HCN4: variants seen among roughly 807,000 people sequenced by gnomAD.
HCN4 encodes potassium/sodium hyperpolarization-activated cyclic nucleotide-gated channel 4.
In HCN4, 29 loss-of-function variants were observed where a neutral mutation model predicts 76.9. That is an observed-to-expected ratio of 0.38 (90% CI 0.28 to 0.51). The LOEUF is 0.51. HCN4 is among the 20% of genes least tolerant of loss of function. HCN4 has a pLI of 0.90. For synonymous variants in HCN4, 772 were observed against 762.5 expected (o/e 1.01, Z -0.21); for missense variants, 1,416 against 1,715.2 (o/e 0.83, Z 3.08).
chr15:73,322,515 T>C lies in HCN4; in HGVS notation c.3578A>G (p.Glu1193Gly), dbSNP rs1270839065. Residue 1193 changes from glutamate to glycine, a missense_variant, in exon 8 of 8, where the codon GAG becomes GGG. Physicochemically the swap from Glu to Gly is moderately conservative, Grantham distance 98 (BLOSUM62 -2). This residue lies in a region of HCN4 where 633 missense variants were observed against 579.8 expected (regional missense o/e 1.09). Transcript: ENST00000261917. ...GPQREPGARP[E>G]PVRSKLPSNL ...GGATGGCAGTTTGGAGCGCACTGGC[T>C]CAGGCCTGGCCCCAGGTTCCCTCTG... 1 of 1,602,360 alleles carries C rather than the reference T, an allele frequency of 6.2e-7. No homozygotes were observed.
rs776253703 is a variant in HCN4, at chr15:73,332,218, G to C, written c.1284C>G (p.Leu428=). ...ACTGCAGGCAGCCGTCCCAGTGGCA[G>C]AGCAGGAGCATCATGCCGATGAGGT... The part of the protein sequence containing the change: ...IVNLIGMMLL[L]CHWDGCLQFL... Residue 428 remains leucine, a synonymous_variant, in exon 3 of 8, where the codon CTC becomes CTG. Transcript: ENST00000261917. 6.2e-7 allele frequency: 1 copy of C among 1,614,184 alleles called. No individual in the cohort carries two copies. Among genetic ancestry groups the C allele is most frequent in the Non-Finnish European group, 8.5e-7 (1 of 1,179,972 alleles).
intron 1 of HCN4, among the ~76,000 whole-genome samples, chr15:73,361,987 C>G (rs2043107038): frequency 6.6e-6 from 1 of 152,256 alleles, no homozygotes; most frequent in Non-Finnish European, 1.5e-5. Flanking sequence ...GCGCCTTCTC[C>G]CCAGCCAGGC....
chr15:73,339,309 G>A (rs1305747439), intron 2 of HCN4, among the ~76,000 whole-genome samples: 2 of 152,186 alleles, frequency 1.3e-5, no homozygotes, highest in African/African-American at 2.4e-5. Flanking sequence ...GCCCACCTGC[G>A]CTGACTCACA....
chr15:73,323,009 A>AG lies in HCN4; in HGVS notation c.3083dup (p.Gly1029TrpfsTer165). ...TTCTTGGGGGGCCTGGGCTGTGGCC[A>AG]GGGGGGCTGAGACCTCCTCGGGGAG... On this transcript the variant is annotated frameshift_variant, in exon 8 of 8. Transcript: ENST00000261917. LOFTEE classifies it high-confidence loss of function. The AG allele has an allele frequency of 1.4e-6, 2 of 1,464,226 alleles. No homozygotes were observed. The highest frequency in any genetic ancestry group is 2.4e-5 in the East Asian group (1 of 41,816). 90.7% of individuals were successfully genotyped at this position (1,464,226 alleles called of 1,614,324 possible). A position where few individuals can be genotyped will look rare whatever the true frequency, so the allele number is the denominator to read the frequency against.
rs1436490686 is a variant in HCN4 at position 73,322,619 on chromosome 15, TGAG to T, written c.3471_3473del (p.Ser1158del). On this transcript the variant is annotated inframe_deletion, in exon 8 of 8. Transcript: ENST00000261917. ...AAGACAGAGGGGGTGGCAAAGAACC[TGAG>T]GATGTCTTCCGAGGCAGAGTGACGT... The T allele has an allele frequency of 6.2e-7, 1 of 1,611,764 alleles. No homozygotes were observed. The highest frequency in any genetic ancestry group is 1.3e-5 in the African/African-American group (1 of 75,022).
rs766537275 is a variant in HCN4, at chr15:73,325,218, A to G, written c.1738-23T>C. ...CTCCTGCCGGACAGGGTGGATTGGGACACGGGAAGGAGGTGGTGAGGGGAG... is the reference window on the plus strand; with the variant it reads ...CTCCTGCCGGACAGGGTGGATTGGGGCACGGGAAGGAGGTGGTGAGGGGAG... On this transcript the variant is annotated intron_variant, in intron 5 of 7. Coordinates refer to ENST00000261917, the MANE Select transcript of HCN4 (RefSeq NM_005477.3). The surrounding 1 kb of genome is among the most constrained non-coding windows in gnomAD (Gnocchi z 7.4). The G allele has an allele frequency of 8.7e-6, 14 of 1,613,980 alleles. No individual in the cohort carries two copies. In the Admixed American group the frequency reaches 2.3e-4, roughly 27 times the overall value.
chr15:73,324,163 T>A lies in HCN4; in HGVS notation c.2069A>T (p.Asn690Ile). Residue 690 changes from asparagine (N) to isoleucine (I), a missense_variant, in exon 7 of 8, where the codon AAT becomes ATT. This residue lies in a region of HCN4 where 241 missense variants were observed against 379.4 expected (regional missense o/e 0.64). Coordinates refer to ENST00000261917, the MANE Select transcript of HCN4 (RefSeq NM_005477.3). ...RLYSLSVDNF[N>I]EVLEEYPMMR... ...CATGGGGTACTCCTCCAGCACCTCATTGAAGTTGTCCACGCTCAGCGAGTA... is the reference window on the plus strand; with the variant it reads ...CATGGGGTACTCCTCCAGCACCTCAATGAAGTTGTCCACGCTCAGCGAGTA... The A allele has an allele frequency of 1.2e-6, 2 of 1,613,958 alleles. No individual in the cohort carries two copies. The highest frequency in any genetic ancestry group is 1.7e-6 in the Non-Finnish European group (2 of 1,179,946).
intron 1 of HCN4, among the ~76,000 whole-genome samples, chr15:73,352,141 C>T (rs187573500): frequency 1.6e-4 from 24 of 152,308 alleles, no homozygotes; most frequent in Admixed American, 4.6e-4. Flanking sequence ...TCTCTGAAGT[C>T]GGCGCAGTAC....
At chr15:73,332,363 C>T in intron 2 of HCN4, 71 bp from the exon 3 acceptor site, 2 of 1,495,380 alleles carry the variant, frequency 1.3e-6, no homozygotes, top group Non-Finnish European at 1.9e-6. Flanking sequence ...ACTTTCCCTG[C>T]CCTGGAGCTG....
intron 1 of HCN4, among the ~76,000 whole-genome samples, chr15:73,358,712 C>T (rs2151225595): frequency 6.6e-6 from 1 of 152,272 alleles, no homozygotes; most frequent in East Asian, 1.9e-4. Context: ...TAAGCAGCCC[C>T]CAGCACCTGC....
intron 1 of HCN4, among the ~76,000 whole-genome samples, chr15:73,366,336 G>C (rs540994112): frequency 9.2e-5 from 14 of 152,128 alleles, no homozygotes; most frequent in Non-Finnish European, 1.6e-4. Context: ...AGAGGGCTCT[G>C]GGTTGGCAAA....
intron 1 of HCN4, among the ~76,000 whole-genome samples, chr15:73,353,325 G>C (rs1420133033): frequency 2.0e-5 from 3 of 152,140 alleles, no homozygotes; most frequent in Admixed American, 1.3e-4. Flanking sequence ...ACACGATCCT[G>C]GTCCCCAGAT....
Position 73,367,986 on chromosome 15 carries a change from G to C in HCN4, c.285C>G (p.Arg95=). Residue 95 remains arginine, a synonymous_variant, in exon 1 of 8, where the codon CGC becomes CGG. Transcript: ENST00000261917. The surrounding 1 kb of genome is among the most constrained non-coding windows in gnomAD (Gnocchi z 7.5). ...GKSSTNGDCR[R]FRGSLASLGS... is the part of the protein sequence containing the mutation. Reference sequence around the variant, plus strand: ...CCAGCGAGGCCAGGCTCCCGCGGAAGCGCCTGCAGTCGCCGTTCGTGCTGG... The same window carrying C: ...CCAGCGAGGCCAGGCTCCCGCGGAACCGCCTGCAGTCGCCGTTCGTGCTGG... 2 of 1,346,082 alleles carry C rather than the reference G, an allele frequency of 1.5e-6. No homozygotes were observed. Among genetic ancestry groups the C allele is most frequent in the Non-Finnish European group, 1.9e-6 (2 of 1,055,470 alleles). 83.4% of individuals were successfully genotyped at this position (1,346,082 alleles called of 1,614,324 possible).
At chr15:73,362,262 T>C (rs570080199) in intron 1 of HCN4, among the ~76,000 whole-genome samples, 6 of 152,316 alleles carry the variant, frequency 3.9e-5, no homozygotes, top group South Asian at 2.1e-4. Context: ...AGCTTGGGGA[T>C]AGAGGCCACA....
At chr15:73,359,030 C>T (rs778732005) in intron 1 of HCN4, among the ~76,000 whole-genome samples, 3 of 152,172 alleles carry the variant, frequency 2.0e-5, no homozygotes, top group Non-Finnish European at 2.9e-5. Flanking sequence ...TATTAGCCAG[C>T]CCCCATTATG....
Position 73,362,197 on chromosome 15 carries a change from G to A in HCN4, c.785+5289C>T, listed in dbSNP as rs530139969. On this transcript the variant is annotated intron_variant, in intron 1 of 7. Coordinates refer to ENST00000261917, the MANE Select transcript of HCN4 (RefSeq NM_005477.3). ...GAATCCCACATCCCCACACTGGCAG[G>A]CAGACCTCTGTGACTTGGCTCAGCC... Among the ~76,000 whole-genome samples the A allele has an allele frequency of 5.3e-5, 8 of 152,336 alleles. No individual in the cohort carries two copies. In the South Asian group the frequency reaches 1.7e-3, roughly 32 times the overall value.
intron 1 of HCN4, among the ~76,000 whole-genome samples, chr15:73,344,830 A>C (rs1440136659): frequency 3.9e-5 from 6 of 152,092 alleles, no homozygotes; most frequent in Admixed American, 3.9e-4. Context: ...GGTGGCCAAG[A>C]CCCCAATCCA....
chr15:73,366,017 T>C (rs907180489), intron 1 of HCN4, among the ~76,000 whole-genome samples: 7 of 152,162 alleles, frequency 4.6e-5, no homozygotes, highest in South Asian at 2.1e-4. Flanking sequence ...TTCAGGAACC[T>C]GGCACTGGGA....
chr15:73,323,903 G>C lies in HCN4; in HGVS notation c.2190C>G (p.Asn730Lys). The C allele has an allele frequency of 1.2e-6, 2 of 1,603,856 alleles. No individual in the cohort carries two copies. The highest frequency in any genetic ancestry group is 1.7e-6 in the Non-Finnish European group (2 of 1,179,950). Residue 730 changes from asparagine (N) to lysine (K), a missense_variant, in exon 8 of 8, where the codon AAC becomes AAG. By Grantham distance (94) the Asn-to-Lys change is moderately conservative. Coordinates refer to ENST00000261917, the MANE Select transcript of HCN4 (RefSeq NM_005477.3). ...ILLHKVQHDL[N>K]SGVFNYQENE... is the part of the protein sequence containing the mutation. The stretch of plus-strand genomic sequence containing the variant: ...TCTCCTGGTAGTTGAAGACGCCGGA[G>C]TTGAGGTCGTGCTGGACTTTGTGGA...
Sources: allele counts gnomAD v4.1 joint callset (sites outside exome capture counted in the v4.1 genomes callset), GRCh38; gene constraint gnomAD v4.1.1; regional missense constraint gnomAD v4.1.1; non-coding constraint Gnocchi (gnomAD v3.1); transcripts MANE v1.5; gene names NCBI Gene and HGNC (gene_info 2026-07-23, HGNC 2026-07-21).